The following USH2A variants were observed in gnomAD, a reference collection of about 807,000 sequenced individuals.
The protein encoded by USH2A is Usher syndrome 2A (autosomal recessive, mild).
USH2A carries 443 observed loss-of-function variants against 538.9 expected under a neutral mutation model. The ratio of observed to expected loss-of-function variants is 0.82; its 90% CI spans 0.76 to 0.89. The LOEUF (loss-of-function observed/expected upper bound fraction) is 0.89, where lower values mean the gene tolerates loss of function less well. USH2A is among the 40% of genes least tolerant of loss of function. The pLI, the probability that USH2A is intolerant of heterozygous loss-of-function variation, is 0.00. For missense variants in USH2A, 6,633 were observed against 6,324.8 expected, an observed-to-expected ratio of 1.05 and a Z score of -1.65; for synonymous variants, 2,413 against 2,273.5, an observed-to-expected ratio of 1.06 and a Z score of -1.75.
chr1:216,348,676 A>T (rs1286891883), intron 4 of USH2A, among the ~76,000 whole-genome samples: 1 of 152,108 alleles, frequency 6.6e-6, no homozygotes, highest in Non-Finnish European at 1.5e-5. Context: ...TTTGCGCACA[A>T]ATCGATTCTA....
At chr1:216,231,249 T>TTATATATATAATATATATA (rs2035677812) in intron 14 of USH2A, among the ~76,000 whole-genome samples, 7 of 83,662 alleles carry the variant, frequency 8.4e-5, no homozygotes, top group African/African-American at 2.7e-4. Context: ...TATATATATA[T>TTATATATATAATATATATA]TATATATATA....
At chr1:216,268,359 C>T (rs1335022621) in intron 11 of USH2A, among the ~76,000 whole-genome samples, 2 of 152,032 alleles carry the variant, frequency 1.3e-5, no homozygotes, top group Admixed American at 1.3e-4. Flanking sequence ...ATAAAATGAG[C>T]ATAATAATAT....
In USH2A at chr1:216,048,514, G is replaced by A. The variant is rs773115167; in HGVS notation, c.6163+20C>T. 2 of 1,603,362 alleles carry A rather than the reference G, an allele frequency of 1.2e-6. No individual in the cohort carries two copies. Among genetic ancestry groups the A allele is most frequent in the South Asian group, 1.1e-5 (1 of 90,858 alleles). On this transcript the variant is annotated intron_variant, in intron 31 of 71. Transcript: ENST00000307340. The stretch of plus-strand genomic sequence containing the variant: ...TTCATGACTGAAATGTGGAAGTCAA[G>A]ACCTTTGAAATTACTTTACCTTCTT...
At chr1:215,705,995 G>A (rs998337209) in intron 61 of USH2A, among the ~76,000 whole-genome samples, 2 of 152,154 alleles carry the variant, frequency 1.3e-5, no homozygotes, top group Non-Finnish European at 2.9e-5. Context: ...AGTACTTTAT[G>A]TATATTAAAT....
chr1:215,914,739 C>A (rs1007041848), intron 38 of USH2A, among the ~76,000 whole-genome samples: 14 of 152,132 alleles, frequency 9.2e-5, no homozygotes, highest in African/African-American at 3.4e-4. Context: ...GCCTTCAGTT[C>A]CATCAGGGAA....
chr1:215,701,979 G>A (rs1373682641), intron 61 of USH2A, among the ~76,000 whole-genome samples: 1 of 152,160 alleles, frequency 6.6e-6, no homozygotes, highest in African/African-American at 2.4e-5. Flanking sequence ...CATACTCAGT[G>A]CTTCCTTCAG....
intron 42 of USH2A, 147 bp downstream of exon 42, chr1:215,878,617 T>C (rs1664831941): frequency 1.3e-6 from 1 of 771,776 alleles, no homozygotes. Context: ...GTGTACAGTA[T>C]GATAGTGTAT....
chr1:216,019,369 G>A (rs1571893999), intron 32 of USH2A, among the ~76,000 whole-genome samples: 1 of 152,252 alleles, frequency 6.6e-6, no homozygotes, highest in Non-Finnish European at 1.5e-5. Flanking sequence ...ACCATTCTTT[G>A]GGGCCACCAT....
chr1:215,787,913 G>T (rs549414709), intron 51 of USH2A, among the ~76,000 whole-genome samples: 1 of 152,008 alleles, frequency 6.6e-6, no homozygotes, highest in Non-Finnish European at 1.5e-5. Context: ...GCTTGGTGGC[G>T]CACACCTGTA....
At chr1:216,407,431 T>C (rs2039413351) in intron 3 of USH2A, among the ~76,000 whole-genome samples, 1 of 152,166 alleles carries the variant, frequency 6.6e-6, no homozygotes, top group African/African-American at 2.4e-5. Flanking sequence ...AATTACTCTG[T>C]CTTTGGCTTA....
At chr1:215,764,620 A>G (rs1661075576) in intron 56 of USH2A, among the ~76,000 whole-genome samples, 1 of 152,166 alleles carries the variant, frequency 6.6e-6, no homozygotes, top group African/African-American at 2.4e-5. Flanking sequence ...TTGGCTATGC[A>G]TAAACACTTC....
At chr1:215,648,808 T>A (rs773388459) in intron 65 of USH2A, 42 bp from the exon 66 acceptor site, 8 of 1,561,424 alleles carry the variant, frequency 5.1e-6, no homozygotes, top group Non-Finnish European at 6.2e-6. Flanking sequence ...GTGTCAAACA[T>A]TAAAGGTGTT....
At chr1:215,959,115 A>G (rs745807158) in intron 37 of USH2A, among the ~76,000 whole-genome samples, 1 of 151,954 alleles carries the variant, frequency 6.6e-6, no homozygotes, top group Non-Finnish European at 1.5e-5. Flanking sequence ...CTTGTGAGCT[A>G]TTTTTTATAA....
chr1:216,002,895 A>G (rs1291051568), intron 32 of USH2A, among the ~76,000 whole-genome samples: 1 of 152,116 alleles, frequency 6.6e-6, no homozygotes, highest in Non-Finnish European at 1.5e-5. Flanking sequence ...GCATCATCAT[A>G]TTATCACATA....
At chr1:215,771,946 C>T (rs2102753297) in intron 55 of USH2A, among the ~76,000 whole-genome samples, 1 of 152,114 alleles carries the variant, frequency 6.6e-6, no homozygotes, top group East Asian at 1.9e-4. Flanking sequence ...TTATATTTTT[C>T]ATATTGTTAG....
At position 215,728,133 on chromosome 1, in the gene USH2A, G is replaced by A. The variant is rs1484350436; in HGVS notation, c.11963C>T (p.Pro3988Leu). Residue 3988 changes from proline (P) to leucine (L), a missense_variant, in exon 61 of 72, where the codon CCA becomes CTA. Transcript: ENST00000307340. The part of the protein sequence containing the change: ...AHSVLLNWTK[P>L]ESPNGIISHY... ...GGAGATAATGCCATTGGGAGATTCT[G>A]GCTTTGTCCAATTCAACAGAACTGA... is the stretch of plus-strand genomic sequence containing the variant. 1.2e-6 allele frequency: 2 copies of A among 1,614,028 alleles called. No homozygotes were observed. The highest frequency in any genetic ancestry group is 1.3e-5 in the African/African-American group (1 of 74,898).
intron 21 of USH2A, among the ~76,000 whole-genome samples, chr1:216,105,420 C>G (rs927055944): frequency 2.0e-5 from 3 of 151,892 alleles, no homozygotes; most frequent in Admixed American, 2.0e-4. Context: ...TGTACTCGCC[C>G]CATTGAACTG....
intron 20 of USH2A, among the ~76,000 whole-genome samples, chr1:216,186,640 C>A (rs1384980364): frequency 3.9e-5 from 6 of 151,900 alleles, no homozygotes; most frequent in Non-Finnish European, 8.8e-5. Flanking sequence ...CAGATGAATA[C>A]AAAATCTGCA....
chr1:216,311,879 C>T (rs983965635), intron 9 of USH2A, among the ~76,000 whole-genome samples: 13 of 152,132 alleles, frequency 8.5e-5, no homozygotes, highest in Non-Finnish European at 1.8e-4. Flanking sequence ...TTCACTTACA[C>T]ACATGCTATA....
Sources: allele counts gnomAD v4.1 joint callset (sites outside exome capture counted in the v4.1 genomes callset), GRCh38; gene constraint gnomAD v4.1.1; transcripts MANE v1.5; gene names NCBI Gene and HGNC (gene_info 2026-07-23, HGNC 2026-07-21).